SULT2B1: variants seen among roughly 807,000 people sequenced by gnomAD.
SULT2B1 encodes sulfotransferase 2B1.
SULT2B1 carries 16 observed loss-of-function variants against 33.2 expected under a neutral mutation model. That is an observed-to-expected ratio of 0.48 (90% CI 0.33 to 0.73). The LOEUF is 0.73. SULT2B1 is among the 30% of genes least tolerant of loss of function. The pLI is 0.02. For synonymous variants in SULT2B1, 186 were observed against 200.5 expected (o/e 0.93, Z 0.61); for missense variants, 500 against 506.0 (o/e 0.99, Z 0.11).
chr19:48,580,340 C>T lies in SULT2B1; in HGVS notation c.214+4257C>T, dbSNP rs551003451. ...GTGGCGAGATCTCTGTTCACTGCAA[C>T]CTCTGCCTCCACAGGTTCAAACAAT... On this transcript the variant is annotated intron_variant, in intron 2 of 6. Coordinates refer to ENST00000201586, the MANE Select transcript of SULT2B1 (RefSeq NM_177973.2). Among the ~76,000 whole-genome samples the T allele has an allele frequency of 2.0e-4, 30 of 150,860 alleles. No homozygotes were observed. In the East Asian group the frequency reaches 3.4e-3, roughly 17 times the overall value.
chr19:48,592,122 T>C (rs972502980), intron 4 of SULT2B1, among the ~76,000 whole-genome samples: 1 of 151,782 alleles, frequency 6.6e-6, no homozygotes, highest in Non-Finnish European at 1.5e-5. Context: ...TGAAACCCCG[T>C]CTCTACTAAA....
chr19:48,589,009 C>G (rs989074179), intron 3 of SULT2B1, among the ~76,000 whole-genome samples: 4 of 152,268 alleles, frequency 2.6e-5, no homozygotes, highest in African/African-American at 7.2e-5. Context: ...GACGAGGCAG[C>G]GCGGCAGGGA....
chr19:48,587,530 C>T, intron 3 of SULT2B1, 93 bp downstream of exon 3: 1 of 1,419,742 alleles, frequency 7.0e-7, no homozygotes, highest in Admixed American at 1.8e-5. Flanking sequence ...TCATTCAGCA[C>T]CTATTTGTTA....
At chr19:48,559,348 TTTTTGTTTTG>T (rs10577756) in intron 1 of SULT2B1, among the ~76,000 whole-genome samples, 6,409 of 148,796 alleles carry the variant, frequency 0.043, 405 homozygotes, top group African/African-American at 0.14. Flanking sequence ...TTGGTTTTGT[TTTTTGTTTTG>T]TTTTGTTTTG....
At chr19:48,556,254 C>A (rs1973099303) in intron 1 of SULT2B1, among the ~76,000 whole-genome samples, 1 of 152,172 alleles carries the variant, frequency 6.6e-6, no homozygotes, top group South Asian at 2.1e-4. Context: ...GGTCCCTGAT[C>A]ACGCTGGTCT....
chr19:48,558,391 A>C (rs980421630), intron 1 of SULT2B1, among the ~76,000 whole-genome samples: 25 of 152,230 alleles, frequency 1.6e-4, no homozygotes, highest in Admixed American at 1.5e-3. Flanking sequence ...GTGCTGGGCT[A>C]CGGAGAGTGT....
chr19:48,587,131 T>G, intron 2 of SULT2B1, 98 bp from the exon 3 acceptor site: 1 of 885,842 alleles, frequency 1.1e-6, no homozygotes, highest in East Asian at 2.5e-5. Flanking sequence ...TAATAAAAGG[T>G]GGCAAATTGC....
intron 3 of SULT2B1, chr19:48,591,386 G>A (rs1178621999): frequency 2.1e-5 from 8 of 375,872 alleles, no homozygotes; most frequent in Admixed American, 4.3e-5. Context: ...CAGGAGAATC[G>A]CCTGAACCCA....
chr19:48,562,375 A>G (rs112710368), intron 1 of SULT2B1, among the ~76,000 whole-genome samples: 22,965 of 151,058 alleles, frequency 0.15, 1,955 homozygotes, highest in African/African-American at 0.23. Context: ...AACAAGAGCG[A>G]AACTCTGTCT....
chr19:48,577,054 G>A (rs1275327708), intron 2 of SULT2B1, among the ~76,000 whole-genome samples: 1 of 30,740 alleles, frequency 3.3e-5, no homozygotes, highest in Non-Finnish European at 6.3e-5. Flanking sequence ...TTTTTTTTTT[G>A]TGACGGAGTC....
chr19:48,556,901 G>A (rs1973106286), intron 1 of SULT2B1, among the ~76,000 whole-genome samples: 1 of 151,636 alleles, frequency 6.6e-6, no homozygotes, highest in South Asian at 2.1e-4. Context: ...AGTGACCTGA[G>A]ATCCTGCCAC....
chr19:48,576,205 G>T, intron 2 of SULT2B1, 122 bp downstream of exon 2: 1 of 860,830 alleles, frequency 1.2e-6, no homozygotes, highest in Non-Finnish European at 1.7e-6. Flanking sequence ...TGTTCAGAGC[G>T]GTGCCCCTGC....
intron 1 of SULT2B1, among the ~76,000 whole-genome samples, chr19:48,574,155 C>T (rs903974411): frequency 2.6e-5 from 4 of 152,226 alleles, no homozygotes; most frequent in African/African-American, 9.6e-5. Context: ...AGCCACTGCG[C>T]CCAGCCCTTG....
At chr19:48,558,674 CTTTTCTTTTTTTTTTT>C (rs913728457) in intron 1 of SULT2B1, among the ~76,000 whole-genome samples, 2 of 133,244 alleles carry the variant, frequency 1.5e-5, no homozygotes, top group African/African-American at 6.2e-5. Flanking sequence ...TTTTTCTTTT[CTTTTCTTTTTTTTTTT>C]TTTTTTTTTT....
intron 1 of SULT2B1, among the ~76,000 whole-genome samples, chr19:48,571,771 G>A (rs1179793134): frequency 6.6e-6 from 1 of 152,124 alleles, no homozygotes; most frequent in Non-Finnish European, 1.5e-5. Flanking sequence ...CAGGTGTGAT[G>A]GTAGGCAGAG....
chr19:48,595,409 G>A (rs2147629706), intron 5 of SULT2B1, among the ~76,000 whole-genome samples: 1 of 152,250 alleles, frequency 6.6e-6, no homozygotes, highest in East Asian at 1.9e-4. Context: ...TTGAGATAAT[G>A]ACACTTCCCT....
chr19:48,589,097 G>C (rs1973607811), intron 3 of SULT2B1, among the ~76,000 whole-genome samples: 1 of 152,238 alleles, frequency 6.6e-6, no homozygotes, highest in Non-Finnish European at 1.5e-5. Flanking sequence ...CGACTGTCGA[G>C]AGAGCAGAAG....
intron 1 of SULT2B1, among the ~76,000 whole-genome samples, chr19:48,563,961 A>C (rs1173880496): frequency 1.6e-5 from 1 of 60,948 alleles, no homozygotes; most frequent in Non-Finnish European, 4.4e-5. Context: ...CTTCCTCTCA[A>C]AAAAAAAAAA....
At chr19:48,565,759 G>T (rs746845061) in intron 1 of SULT2B1, among the ~76,000 whole-genome samples, 2 of 114,086 alleles carry the variant, frequency 1.8e-5, no homozygotes, top group African/African-American at 2.6e-5. Flanking sequence ...CTAGTTTTTT[G>T]TTTGTTTGTT....
Sources: gnomAD v4.1 joint callset for allele counts (sites outside exome capture counted in the v4.1 genomes callset) on GRCh38, gnomAD v4.1.1 for gene constraint, MANE v1.5 for transcripts, NCBI Gene and HGNC (gene_info 2026-07-23, HGNC 2026-07-21) for gene names.